The following SNX3 variants were observed in gnomAD, a reference collection of about 807,000 sequenced individuals.
SNX3 encodes sorting nexin-3.
SNX3 carries 5 observed loss-of-function variants against 17.7 expected under a neutral mutation model. The observed-to-expected ratio is 0.28, with a 90% CI of 0.15 to 0.59. SNX3 has a LOEUF of 0.59. SNX3 is among the 20% of genes least tolerant of loss of function. SNX3 has a pLI of 0.88. For missense variants in SNX3, 132 were observed against 206.8 expected (o/e 0.64, Z 2.22); for synonymous variants, 91 against 76.5 (o/e 1.19, Z -0.99).
chr6:108,232,200 TA>T (rs1775183234), intron 1 of SNX3, among the ~76,000 whole-genome samples: 1 of 152,178 alleles, frequency 6.6e-6, no homozygotes. Flanking sequence ...TGCAAAGCAA[TA>T]AAATGTTAAA....
chr6:108,235,619 G>C (rs1223457585), intron 1 of SNX3, among the ~76,000 whole-genome samples: 1 of 152,198 alleles, frequency 6.6e-6, no homozygotes, highest in African/African-American at 2.4e-5. Context: ...ACTTGGGCCA[G>C]GCACGGTGGC....
rs376262217 is a variant in SNX3 at position 108,233,072 on chromosome 6, G to A, written c.163-10027C>T. On this transcript the variant is annotated intron_variant, in intron 1 of 3. Coordinates refer to ENST00000230085, the MANE Select transcript of SNX3 (RefSeq NM_003795.6). ...TTATTTTAAAAGAAGTATCCTTTATGGTATAATTTCCAAAACAGTAGAGAA... is the reference window on the plus strand; with the variant it reads ...TTATTTTAAAAGAAGTATCCTTTATAGTATAATTTCCAAAACAGTAGAGAA... Among the ~76,000 whole-genome samples the A allele has an allele frequency of 2.7e-4, 41 of 152,252 alleles. 1 individual carries two copies. The East Asian group carries it at 5.8e-3, about 21-fold the overall frequency.
chr6:108,230,603 T>C (rs1775116347), intron 1 of SNX3, among the ~76,000 whole-genome samples: 1 of 152,208 alleles, frequency 6.6e-6, no homozygotes, highest in African/African-American at 2.4e-5. Context: ...GATTCTGAGT[T>C]TGAGTAACCC....
intron 1 of SNX3, among the ~76,000 whole-genome samples, chr6:108,257,368 T>C (rs1231690157): frequency 2.0e-5 from 3 of 151,930 alleles, no homozygotes; most frequent in African/African-American, 7.3e-5. Flanking sequence ...AAATAAAAAA[T>C]TAGCCAGGTA....
chr6:108,226,845 G>A (rs893210609), intron 1 of SNX3, among the ~76,000 whole-genome samples: 2 of 152,176 alleles, frequency 1.3e-5, no homozygotes, highest in Non-Finnish European at 2.9e-5. Context: ...GGGCATAACA[G>A]TGTATAGGTT....
chr6:108,253,894 G>A (rs1384126902), intron 1 of SNX3, among the ~76,000 whole-genome samples: 1 of 152,088 alleles, frequency 6.6e-6, no homozygotes, highest in East Asian at 1.9e-4. Flanking sequence ...GGGAGGCCGA[G>A]GTGGGTGGAT....
chr6:108,249,550 A>AC (rs557108990), intron 1 of SNX3, among the ~76,000 whole-genome samples: 178 of 152,294 alleles, frequency 1.2e-3, no homozygotes, highest in Non-Finnish European at 2.2e-3. Context: ...TTGCTGACCG[A>AC]CCCTGAACCA....
At chr6:108,259,157 G>A (rs1170132772) in intron 1 of SNX3, among the ~76,000 whole-genome samples, 1 of 152,224 alleles carries the variant, frequency 6.6e-6, no homozygotes, top group East Asian at 1.9e-4. Flanking sequence ...CTAGGTTTAT[G>A]TATGAATGTA....
intron 1 of SNX3, among the ~76,000 whole-genome samples, chr6:108,251,126 G>A (rs182675322): frequency 2.6e-5 from 4 of 151,990 alleles, no homozygotes; most frequent in African/African-American, 9.7e-5. Context: ...CAATCTCAAG[G>A]TATACCCCTA....
chr6:108,239,151 C>T (rs956084831), intron 1 of SNX3, among the ~76,000 whole-genome samples: 11 of 152,294 alleles, frequency 7.2e-5, no homozygotes, highest in African/African-American at 2.6e-4. Flanking sequence ...GATCCACCCG[C>T]CTCAGCCTCC....
At chr6:108,233,894 T>A (rs1162495299) in intron 1 of SNX3, among the ~76,000 whole-genome samples, 1 of 152,192 alleles carries the variant, frequency 6.6e-6, no homozygotes, top group African/African-American at 2.4e-5. Context: ...ACTGTGAGAA[T>A]GGAGTGTAAA....
intron 1 of SNX3, among the ~76,000 whole-genome samples, chr6:108,254,828 T>A (rs998680609): frequency 6.6e-6 from 1 of 152,190 alleles, no homozygotes; most frequent in Admixed American, 6.5e-5. Flanking sequence ...AGTAACCAGA[T>A]GAGGCTCTTA....
At position 108,261,019 on chromosome 6, in the gene SNX3, C is replaced by A. The variant is rs920627925; in HGVS notation, c.-98G>T. On this transcript the variant is annotated 5_prime_UTR_variant, in exon 1 of 4. Coordinates refer to ENST00000230085, the MANE Select transcript of SNX3 (RefSeq NM_003795.6). Reference sequence around the variant, plus strand: ...CTGCCCGCCGTGGGGACACGGGGCTCGCGCGCAGCGGTCGCGAAGAGAACG... The same window carrying A: ...CTGCCCGCCGTGGGGACACGGGGCTAGCGCGCAGCGGTCGCGAAGAGAACG... 7.6e-6 allele frequency: 9 copies of A among 1,185,156 alleles called. No individual in the cohort carries two copies. Among genetic ancestry groups the A allele is most frequent in the South Asian group, 1.9e-5 (1 of 52,470 alleles). 73.4% of individuals were successfully genotyped at this position (1,185,156 alleles called of 1,614,324 possible).
chr6:108,230,331 A>G (rs930185445), intron 1 of SNX3, among the ~76,000 whole-genome samples: 2 of 152,112 alleles, frequency 1.3e-5, no homozygotes, highest in African/African-American at 4.8e-5. Context: ...GGAAGCCACA[A>G]TTTTCTTCCT....
intron 1 of SNX3, among the ~76,000 whole-genome samples, chr6:108,241,672 C>T (rs1243573649): frequency 6.6e-6 from 1 of 151,956 alleles, no homozygotes; most frequent in Non-Finnish European, 1.5e-5. Flanking sequence ...TTAATGTGGG[C>T]AAGTCCCTAA....
intron 1 of SNX3, among the ~76,000 whole-genome samples, chr6:108,223,384 C>G (rs973870533): frequency 2.0e-5 from 3 of 151,842 alleles, no homozygotes; most frequent in Non-Finnish European, 2.9e-5. Context: ...GTGATCCGCC[C>G]GCCTCGGCCT....
At chr6:108,221,531 A>AATTTT (rs1562421607) in intron 2 of SNX3, among the ~76,000 whole-genome samples, 1 of 78,448 alleles carries the variant, frequency 1.3e-5, no homozygotes, top group Non-Finnish European at 3.0e-5. Flanking sequence ...ACAGTATTAC[A>AATTTT]CTTTTTTTTT....
chr6:108,243,129 T>G lies in SNX3; in HGVS notation c.162+17631A>C, dbSNP rs549327417. On this transcript the variant is annotated intron_variant, in intron 1 of 3. Transcript: ENST00000230085. ...TTTTTTTAAGAGACAGCGTCTTGCT[T>G]ATTTCCCAGGCTGGAGTGCAGGCTA... 5.9e-5 allele frequency among the ~76,000 whole-genome samples: 9 copies of G among 152,268 alleles called. No individual in the cohort carries two copies. In the East Asian group the frequency reaches 1.7e-3, roughly 29 times the overall value.
chr6:108,257,792 C>T (rs1776073046), intron 1 of SNX3, among the ~76,000 whole-genome samples: 1 of 151,806 alleles, frequency 6.6e-6, no homozygotes, highest in African/African-American at 2.4e-5. Flanking sequence ...GGTGAAACCC[C>T]GTCTCCACTA....
Sources: gnomAD v4.1 joint callset for allele counts (sites outside exome capture counted in the v4.1 genomes callset) on GRCh38, gnomAD v4.1.1 for gene constraint, MANE v1.5 for transcripts, NCBI Gene and HGNC (gene_info 2026-07-23, HGNC 2026-07-21) for gene names.